Variants in MBNL1 observed in about 807,000 individuals in gnomAD.
MBNL1 encodes the protein muscleblind-like protein 1.
Under a neutral mutation model 42.2 loss-of-function variants are expected in MBNL1, and 8 were observed. The ratio of observed to expected loss-of-function variants is 0.19; its 90% confidence interval spans 0.11 to 0.34. MBNL1 has a LOEUF of 0.34. Ranked by LOEUF, MBNL1 falls within the 10% of genes least tolerant of loss-of-function variation. MBNL1 has a pLI of 1.00. For synonymous variants in MBNL1, 169 were observed against 173.9 expected, an observed-to-expected ratio of 0.97 and a Z score of 0.22; for missense variants, 309 against 495.3, an observed-to-expected ratio of 0.62 and a Z score of 3.57.
At chr3:152,433,706 C>T (rs377075416) in intron 4 of MBNL1, among the ~76,000 whole-genome samples, 30 of 148,570 alleles carry the variant, frequency 2.0e-4, no homozygotes, top group African/African-American at 4.0e-4. Flanking sequence ...GCCGAGATCG[C>T]GCCACTGCAC....
chr3:152,355,364 TA>T (rs1296660703), intron 2 of MBNL1, among the ~76,000 whole-genome samples: 2 of 152,220 alleles, frequency 1.3e-5, no homozygotes, highest in Non-Finnish European at 2.9e-5. Flanking sequence ...TTTACAAATT[TA>T]AACCTGCAAG....
At chr3:152,414,916 A>C (rs1472630899) in intron 2 of MBNL1, 25 bp from the exon 3 acceptor site, 1 of 1,605,372 alleles carries the variant, frequency 6.2e-7, no homozygotes, top group Admixed American at 1.7e-5. Flanking sequence ...TTCTAAGATG[A>C]TGTTTGCTGC....
chr3:152,366,866 C>G (rs749976943), intron 2 of MBNL1, among the ~76,000 whole-genome samples: 4 of 151,906 alleles, frequency 2.6e-5, no homozygotes, highest in Non-Finnish European at 5.9e-5. Flanking sequence ...CATTTATTTT[C>G]CCTTAATTAA....
chr3:152,260,040 GT>G (rs2036000384), intron 2 of MBNL1, among the ~76,000 whole-genome samples: 1 of 152,138 alleles, frequency 6.6e-6, no homozygotes, highest in Non-Finnish European at 1.5e-5. Context: ...TTCAGGTCTA[GT>G]TTTTCTTACC....
intron 2 of MBNL1, among the ~76,000 whole-genome samples, chr3:152,395,808 T>C (rs979750481): frequency 2.6e-5 from 4 of 152,240 alleles, no homozygotes; most frequent in Non-Finnish European, 5.9e-5. Context: ...GTCTGTTGCC[T>C]AGCGGGAATG....
At chr3:152,440,291 AT>A (rs1180687646) in intron 4 of MBNL1, among the ~76,000 whole-genome samples, 11 of 152,172 alleles carry the variant, frequency 7.2e-5, no homozygotes, top group Non-Finnish European at 1.6e-4. Context: ...GTATTAGTCC[AT>A]TTTCACGCTG....
chr3:152,399,868 C>T (rs540209721), intron 2 of MBNL1, among the ~76,000 whole-genome samples: 91 of 152,242 alleles, frequency 6.0e-4, no homozygotes, highest in Non-Finnish European at 1.0e-3. Context: ...TTTTCCATCT[C>T]TATTATAGTA....
Position 152,309,973 on chromosome 3 carries a change from A to G in MBNL1, c.174+9606A>G, listed in dbSNP as rs138914162. 4.6e-5 allele frequency among the ~76,000 whole-genome samples: 7 copies of G among 152,316 alleles called. No individual in the cohort carries two copies. The East Asian group carries it at 1.3e-3, about 29-fold the overall frequency. ...AAACCCTTCTAGTCTTTAATTTTAA[A>G]ATGTTCCAGTAGAACACAAATTTGC... On this transcript the variant is annotated intron_variant, in intron 2 of 9. Transcript: ENST00000324210.
At chr3:152,409,709 A>G (rs1371649904) in intron 2 of MBNL1, among the ~76,000 whole-genome samples, 1 of 152,188 alleles carries the variant, frequency 6.6e-6, no homozygotes, top group East Asian at 1.9e-4. Context: ...GTAGCCCTGT[A>G]CTTTTCCCAT....
At chr3:152,261,368 C>G (rs1180918900) in intron 2 of MBNL1, among the ~76,000 whole-genome samples, 1 of 152,066 alleles carries the variant, frequency 6.6e-6, no homozygotes, top group African/African-American at 2.4e-5. Flanking sequence ...TTTCATTACT[C>G]CTTTGCTTCA....
intron 2 of MBNL1, 76 bp from the exon 3 acceptor site, chr3:152,414,865 T>C (rs892237177): frequency 5.5e-6 from 8 of 1,453,684 alleles, no homozygotes; most frequent in Non-Finnish European, 6.7e-6. Flanking sequence ...AAGTGGGTGG[T>C]TTGCATTATA....
intron 2 of MBNL1, among the ~76,000 whole-genome samples, chr3:152,345,732 G>T (rs1281950030): frequency 1.3e-5 from 2 of 152,056 alleles, no homozygotes; most frequent in Admixed American, 1.3e-4. Flanking sequence ...TAGCTTTATG[G>T]TTAAAAGCAT....
At chr3:152,319,534 C>CTA (rs1258181108) in intron 2 of MBNL1, among the ~76,000 whole-genome samples, 1 of 149,250 alleles carries the variant, frequency 6.7e-6, no homozygotes, top group Non-Finnish European at 1.5e-5. Context: ...ATGAAAACTG[C>CTA]TATTAAGGTC....
chr3:152,364,817 A>G (rs889774858), intron 2 of MBNL1, among the ~76,000 whole-genome samples: 1 of 152,118 alleles, frequency 6.6e-6, no homozygotes, highest in African/African-American at 2.4e-5. Context: ...ATTTGTTATT[A>G]CAACAGTGAA....
In MBNL1 at chr3:152,464,496, G is replaced by A. The variant is rs150373713; in HGVS notation, c.*2130G>A. 2 of 152,600 alleles carry A rather than the reference G, an allele frequency of 1.3e-5. No individual in the cohort carries two copies. The highest frequency in any genetic ancestry group is 4.8e-5 in the African/African-American group (2 of 41,524). The allele number at this position is 152,600 out of a possible 1,614,324, so 9.5% of individuals were successfully genotyped here. On this transcript the variant is annotated 3_prime_UTR_variant, in exon 10 of 10. Coordinates refer to ENST00000324210, the MANE Select transcript of MBNL1 (RefSeq NM_021038.5). ...CGCAACAATCCTGGCAGACAATTGA[G>A]TAATATTTTGATGATTTATTTTGTT...
At chr3:152,436,209 T>A (rs1417188485) in intron 4 of MBNL1, among the ~76,000 whole-genome samples, 2 of 152,248 alleles carry the variant, frequency 1.3e-5, no homozygotes, top group African/African-American at 4.8e-5. Context: ...TTACAAAGGC[T>A]GTCAGATTTT....
intron 2 of MBNL1, among the ~76,000 whole-genome samples, chr3:152,383,285 G>T (rs1382301637): frequency 6.6e-6 from 1 of 152,046 alleles, no homozygotes; most frequent in East Asian, 1.9e-4. Flanking sequence ...CCAAACCCAT[G>T]AGGAGTCTAT....
intron 2 of MBNL1, among the ~76,000 whole-genome samples, chr3:152,251,386 C>T (rs181118024): frequency 9.2e-5 from 14 of 152,150 alleles, no homozygotes; most frequent in African/African-American, 3.1e-4. Flanking sequence ...ATATGCATTA[C>T]TCAAATCCTT....
chr3:152,324,324 CAA>C (rs1057014315), intron 2 of MBNL1, among the ~76,000 whole-genome samples: 85 of 152,218 alleles, frequency 5.6e-4, no homozygotes, highest in Admixed American at 5.3e-3. Context: ...GTCTTGCAAA[CAA>C]GAGAGATAGC....
Sources: gnomAD v4.1 joint callset for allele counts (sites outside exome capture counted in the v4.1 genomes callset) on GRCh38, gnomAD v4.1.1 for gene constraint, MANE v1.5 for transcripts, NCBI Gene and HGNC (gene_info 2026-07-23, HGNC 2026-07-21) for gene names.